STAU2: variants seen among roughly 807,000 people sequenced by gnomAD.
The protein encoded by STAU2 is staufen double-stranded RNA binding protein 2, also known as double-stranded RNA-binding protein Staufen homolog 2.
STAU2 carries 20 observed loss-of-function variants against 65.9 expected under a neutral mutation model. The ratio of observed to expected loss-of-function variants is 0.30; its 90% confidence interval spans 0.21 to 0.44. The LOEUF is 0.44. Among genes scored for constraint, STAU2 ranks in the 20% least tolerant of loss-of-function variants. The pLI is 1.00. For missense variants in STAU2, 558 were observed against 683.9 expected (o/e 0.82, Z 2.05); for synonymous variants, 232 against 233.9 (o/e 0.99, Z 0.07).
At chr8:73,712,065 TA>T (rs1457383514) in intron 3 of STAU2, among the ~76,000 whole-genome samples, 1 of 152,136 alleles carries the variant, frequency 6.6e-6, no homozygotes, top group African/African-American at 2.4e-5. Flanking sequence ...AACTGGTCTA[TA>T]AAATCTGAGA....
At chr8:73,521,426 T>C (rs1823032171) in intron 13 of STAU2, among the ~76,000 whole-genome samples, 1 of 152,194 alleles carries the variant, frequency 6.6e-6, no homozygotes. Context: ...CTAAGCAAAA[T>C]AATGTACGGA....
chr8:73,550,135 A>C (rs893981477), intron 13 of STAU2: 2 of 985,316 alleles, frequency 2.0e-6, no homozygotes, highest in Non-Finnish European at 2.4e-6. Context: ...AGCTCATTCA[A>C]CCAAAGAAGC....
At chr8:73,695,581 A>G (rs1026317284) in intron 4 of STAU2, among the ~76,000 whole-genome samples, 1 of 152,168 alleles carries the variant, frequency 6.6e-6, no homozygotes, top group Non-Finnish European at 1.5e-5. Flanking sequence ...AAGCAGACAG[A>G]AAAGTAAAGG....
chr8:73,688,612 C>T (rs1819115525), intron 5 of STAU2, 42 bp downstream of exon 5: 2 of 1,609,016 alleles, frequency 1.2e-6, no homozygotes, highest in South Asian at 1.1e-5. Context: ...ACAAGCAGAA[C>T]ACACATAGCA....
At chr8:73,633,965 G>A (rs922205459) in intron 6 of STAU2, among the ~76,000 whole-genome samples, 2 of 151,786 alleles carry the variant, frequency 1.3e-5, no homozygotes, top group East Asian at 1.9e-4. Flanking sequence ...GTGACAAAGC[G>A]AGACTCCATC....
chr8:73,589,132 C>T (rs1260622544), intron 11 of STAU2, among the ~76,000 whole-genome samples: 1 of 152,144 alleles, frequency 6.6e-6, no homozygotes, highest in Non-Finnish European at 1.5e-5. Context: ...CAGCATATCA[C>T]TATTGAAGGA....
At chr8:73,421,652 C>T (rs529049328) in intron 14 of STAU2, among the ~76,000 whole-genome samples, 187 bp from the exon 15 acceptor site, 1 of 152,310 alleles carries the variant, frequency 6.6e-6, no homozygotes, top group East Asian at 1.9e-4. Context: ...ATTAAATTAG[C>T]TTATAAATGG....
intron 13 of STAU2, among the ~76,000 whole-genome samples, chr8:73,452,541 G>C (rs550120748): frequency 6.6e-6 from 1 of 152,132 alleles, no homozygotes; most frequent in Non-Finnish European, 1.5e-5. Flanking sequence ...TTGTCTTCAG[G>C]TGGGTGAGAG....
chr8:73,728,618 A>G (rs979727871), intron 3 of STAU2, among the ~76,000 whole-genome samples: 2 of 152,198 alleles, frequency 1.3e-5, no homozygotes, highest in African/African-American at 2.4e-5. Context: ...CTTTATTTCA[A>G]CATGTTTTAT....
intron 13 of STAU2, among the ~76,000 whole-genome samples, chr8:73,480,137 T>C (rs546487051): frequency 7.8e-4 from 119 of 152,228 alleles, no homozygotes; most frequent in Non-Finnish European, 2.8e-4. Flanking sequence ...ACTAATATAA[T>C]CTACCCCCAC....
At chr8:73,719,267 T>C (rs1249601687) in intron 3 of STAU2, among the ~76,000 whole-genome samples, 1 of 151,800 alleles carries the variant, frequency 6.6e-6, no homozygotes, top group Non-Finnish European at 1.5e-5. Flanking sequence ...TAGCCAGACA[T>C]AGTGGCGGGT....
intron 6 of STAU2, among the ~76,000 whole-genome samples, chr8:73,661,015 A>T (rs528466272): frequency 2.3e-4 from 35 of 152,342 alleles, no homozygotes; most frequent in African/African-American, 7.9e-4. Flanking sequence ...ACACTACAGT[A>T]AAGTAAGGTA....
At chr8:73,539,024 C>T (rs1051305954) in intron 13 of STAU2, among the ~76,000 whole-genome samples, 1 of 152,142 alleles carries the variant, frequency 6.6e-6, no homozygotes, top group Non-Finnish European at 1.5e-5. Context: ...CAGCATTTGA[C>T]ACAGAATTTG....
chr8:73,735,950 T>C (rs755918985), intron 3 of STAU2, among the ~76,000 whole-genome samples: 6 of 152,304 alleles, frequency 3.9e-5, no homozygotes, highest in Middle Eastern at 6.8e-3. Context: ...CAGGTATCCA[T>C]AGAAAGTTAT....
intron 1 of STAU2, among the ~76,000 whole-genome samples, chr8:73,746,124 G>A (rs1022618411): frequency 3.3e-5 from 5 of 152,044 alleles, no homozygotes; most frequent in Non-Finnish European, 5.9e-5. Flanking sequence ...GAACTTGCCT[G>A]TCATAGGATA....
At chr8:73,530,225 C>T (rs1041057708) in intron 13 of STAU2, among the ~76,000 whole-genome samples, 1 of 152,114 alleles carries the variant, frequency 6.6e-6, no homozygotes, top group African/African-American at 2.4e-5. Context: ...TTGTTTAAGC[C>T]ACTGGGCTTT....
chr8:73,611,412 T>C (rs1296362228), intron 9 of STAU2, among the ~76,000 whole-genome samples: 1 of 152,090 alleles, frequency 6.6e-6, no homozygotes, highest in Non-Finnish European at 1.5e-5. Context: ...GAGGAGTTCC[T>C]AAAAAAGTCA....
At chr8:73,618,940 G>A (rs938453383) in intron 6 of STAU2, among the ~76,000 whole-genome samples, 2 of 152,180 alleles carry the variant, frequency 1.3e-5, no homozygotes, top group Admixed American at 1.3e-4. Flanking sequence ...AGACAGTGAA[G>A]ATTGCAAAAG....
At chr8:73,702,906 G>A (rs1820217715) in intron 4 of STAU2, among the ~76,000 whole-genome samples, 1 of 152,062 alleles carries the variant, frequency 6.6e-6, no homozygotes, top group South Asian at 2.1e-4. Context: ...GTAGGCAAGG[G>A]GGCAGAAAAA....
Sources: allele counts gnomAD v4.1 joint callset (sites outside exome capture counted in the v4.1 genomes callset), GRCh38; gene constraint gnomAD v4.1.1; transcripts MANE v1.5; gene names NCBI Gene and HGNC (gene_info 2026-07-23, HGNC 2026-07-21).